Variants in EPHA5 observed in about 807,000 individuals in gnomAD.
EPHA5 encodes EPH receptor A5, also known as ephrin type-A receptor 5.
Under a neutral mutation model 105.0 loss-of-function variants are expected in EPHA5, and 60 were observed. That is an observed-to-expected ratio of 0.57 (90% confidence interval 0.46 to 0.71). The LOEUF is 0.71. Ranked by LOEUF, EPHA5 falls within the 30% of genes least tolerant of loss-of-function variation. The probability of loss-of-function intolerance (pLI) is 0.00; values close to 1 mark genes in which losing one functional copy is unlikely to be tolerated. For missense variants in EPHA5, 1,218 were observed against 1,274.7 expected, an observed-to-expected ratio of 0.96 and a Z score of 0.68; for synonymous variants, 513 against 449.1, an observed-to-expected ratio of 1.14 and a Z score of -1.80.
At chr4:65,637,597 T>TATATATATATATATATATAC (rs889288051) in intron 2 of EPHA5, among the ~76,000 whole-genome samples, 5 of 144,530 alleles carry the variant, frequency 3.5e-5, no homozygotes, top group African/African-American at 1.0e-4. Flanking sequence ...TATATATATA[T>TATATATATATATATATATAC]ACGTATATGC....
chr4:65,471,475 G>T (rs1409366981), intron 5 of EPHA5, among the ~76,000 whole-genome samples: 18 of 152,096 alleles, frequency 1.2e-4, no homozygotes, highest in Non-Finnish European at 4.4e-5. Flanking sequence ...ATATGTTCAG[G>T]TTTGTTGCAT....
At chr4:65,668,449 T>G (rs1490138068) in intron 1 of EPHA5, among the ~76,000 whole-genome samples, 2 of 152,146 alleles carry the variant, frequency 1.3e-5, no homozygotes, top group Non-Finnish European at 2.9e-5. Flanking sequence ...TTCTATGTTT[T>G]CATGGTGGAG....
chr4:65,430,366 G>GA (rs1337085486), intron 5 of EPHA5, among the ~76,000 whole-genome samples: 5 of 151,812 alleles, frequency 3.3e-5, no homozygotes, highest in South Asian at 2.1e-4. Flanking sequence ...GATGTATTTT[G>GA]AAAAAAACTC....
chr4:65,560,263 G>A (rs1475839956), intron 3 of EPHA5, among the ~76,000 whole-genome samples: 10 of 152,086 alleles, frequency 6.6e-5, no homozygotes. Context: ...AAGGAAAATT[G>A]ACACACTAAT....
intron 2 of EPHA5, among the ~76,000 whole-genome samples, chr4:65,631,923 C>G (rs1048037902): frequency 6.6e-6 from 1 of 151,532 alleles, no homozygotes; most frequent in South Asian, 2.1e-4. Flanking sequence ...CTTAATGAAC[C>G]TAAAGAACAA....
chr4:65,608,948 G>A lies in EPHA5; in HGVS notation c.247-6644C>T, dbSNP rs185828255. On this transcript the variant is annotated intron_variant, in intron 2 of 16. Coordinates refer to ENST00000613740, the MANE Select transcript of EPHA5 (RefSeq NM_001281766.3). The stretch of plus-strand genomic sequence containing the variant: ...GCCACTCGAGGTCATTTTAATGAAC[G>A]AAAGATTCATTACCTAATGAACTAG... Among the ~76,000 whole-genome samples the A allele has an allele frequency of 1.2e-3, 175 of 152,148 alleles. 1 individual carries two copies. The highest frequency in any genetic ancestry group is 0.01 in the Middle Eastern group (3 of 294).
At chr4:65,514,888 C>A (rs932642676) in intron 3 of EPHA5, among the ~76,000 whole-genome samples, 2 of 152,118 alleles carry the variant, frequency 1.3e-5, no homozygotes, top group Non-Finnish European at 2.9e-5. Context: ...AGGCCCTTGA[C>A]CTCAACTCCA....
intron 14 of EPHA5, among the ~76,000 whole-genome samples, chr4:65,341,538 A>G (rs1545455): frequency 0.47 from 70,605 of 150,072 alleles, 17,252 homozygotes; most frequent in East Asian, 0.77. Flanking sequence ...AATCATATTT[A>G]TTTGCACCAT....
intron 2 of EPHA5, among the ~76,000 whole-genome samples, chr4:65,635,821 A>G (rs1408414704): frequency 6.6e-6 from 1 of 152,202 alleles, no homozygotes; most frequent in Non-Finnish European, 1.5e-5. Context: ...AATTAGAAGG[A>G]AGCAAAAACA....
chr4:65,495,497 G>A lies in EPHA5; in HGVS notation c.957C>T (p.Cys319=), dbSNP rs781153613. Residue 319 remains cysteine, a synonymous_variant, in exon 4 of 17, where the codon TGC becomes TGT. Transcript: ENST00000613740. ...TATAACTGTGAGGTGGACATTTGCC[G>A]CAGCTCTGGATGTGAGGTGAGGCTT... The part of the protein sequence containing the change: ...FFKASPHIQS[C]GKCPPHSYTH... The A allele has an allele frequency of 7.4e-6, 12 of 1,613,530 alleles. No homozygotes were observed. Among genetic ancestry groups the A allele is most frequent in the African/African-American group, 2.7e-5 (2 of 74,896 alleles).
Position 65,595,672 on chromosome 4 carries a change from C to T in EPHA5, c.910+5969G>A, listed in dbSNP as rs146828072. On this transcript the variant is annotated intron_variant, in intron 3 of 16. Transcript: ENST00000613740. ...CTCCACTCACTGCAAGCTCCACCTC[C>T]CGGGTTCACGCCATTCTCCTGCCTC... 2.2e-3 allele frequency among the ~76,000 whole-genome samples: 328 copies of T among 151,762 alleles called. 4 individuals are homozygous for T. The highest frequency in any genetic ancestry group is 7.2e-3 in the African/African-American group (297 of 41,338).
intron 8 of EPHA5, among the ~76,000 whole-genome samples, chr4:65,401,733 A>G (rs369821714): frequency 2.6e-5 from 4 of 152,166 alleles, no homozygotes; most frequent in African/African-American, 7.2e-5. Flanking sequence ...TTACACTTTC[A>G]TTAGACAAAA....
intron 14 of EPHA5, among the ~76,000 whole-genome samples, chr4:65,345,621 AGGG>A (rs1722141361): frequency 6.6e-6 from 1 of 152,238 alleles, no homozygotes; most frequent in South Asian, 2.1e-4. Flanking sequence ...CTCCTCCTCT[AGGG>A]CCCTTGCAGA....
intron 3 of EPHA5, among the ~76,000 whole-genome samples, chr4:65,516,732 A>G (rs1471980516): frequency 5.3e-5 from 8 of 152,122 alleles, no homozygotes; most frequent in Non-Finnish European, 1.5e-5. Flanking sequence ...TCTTCCTTTT[A>G]AATCTATTTG....
At chr4:65,450,074 A>T (rs1004270804) in intron 5 of EPHA5, among the ~76,000 whole-genome samples, 1 of 152,172 alleles carries the variant, frequency 6.6e-6, no homozygotes, top group Non-Finnish European at 1.5e-5. Flanking sequence ...AAAAAGAAAA[A>T]TGCAAAAGAG....
At chr4:65,664,437 T>A (rs4475193) in intron 1 of EPHA5, among the ~76,000 whole-genome samples, 1 of 151,672 alleles carries the variant, frequency 6.6e-6, no homozygotes, top group African/African-American at 2.4e-5. Context: ...AATGAACCCA[T>A]TTTAATCTGT....
intron 8 of EPHA5, among the ~76,000 whole-genome samples, chr4:65,376,112 G>A (rs761938030): frequency 9.9e-5 from 15 of 151,760 alleles, no homozygotes; most frequent in Non-Finnish European, 2.1e-4. Context: ...AATTTTTTAA[G>A]CAACAAAAAT....
chr4:65,632,044 A>T (rs964703412), intron 2 of EPHA5, among the ~76,000 whole-genome samples: 5 of 152,078 alleles, frequency 3.3e-5, no homozygotes, highest in Admixed American at 6.6e-5. Context: ...TAAACACTGC[A>T]TCACTGACTC....
At chr4:65,430,249 A>C (rs1398807430) in intron 5 of EPHA5, among the ~76,000 whole-genome samples, 4 of 152,040 alleles carry the variant, frequency 2.6e-5, no homozygotes, top group Non-Finnish European at 4.4e-5. Flanking sequence ...TATAAGTTTA[A>C]ATGGCATAAA....
Sources: allele counts gnomAD v4.1 joint callset (sites outside exome capture counted in the v4.1 genomes callset), GRCh38; gene constraint gnomAD v4.1.1; transcripts MANE v1.5; gene names NCBI Gene and HGNC (gene_info 2026-07-23, HGNC 2026-07-21).